Variants in KLHL40 observed in about 807,000 individuals in gnomAD.
The protein encoded by KLHL40 is kelch-like protein 40.
In KLHL40, 44 loss-of-function variants were observed where a neutral mutation model predicts 49.7. The ratio of observed to expected loss-of-function variants is 0.89; its 90% CI spans 0.70 to 1.14. The LOEUF (loss-of-function observed/expected upper bound fraction) is 1.14, where lower values mean the gene tolerates loss of function less well. Ranked by LOEUF, KLHL40 falls within the 50% of genes most tolerant of loss-of-function variation. The probability of loss-of-function intolerance (pLI) is 0.00; values close to 1 mark genes in which losing one functional copy is unlikely to be tolerated. For synonymous variants in KLHL40, 409 were observed against 365.2 expected (o/e 1.12, Z -1.37); for missense variants, 892 against 850.3 (o/e 1.05, Z -0.61).
chr3:42,691,787 G>T, intron 5 of KLHL40, 95 bp from the exon 6 acceptor site: 1 of 787,430 alleles, frequency 1.3e-6, no homozygotes, highest in South Asian at 1.4e-5. Context: ...CTAGAGATGG[G>T]CCAAGTGCCC....
rs1393642313 is a variant in KLHL40 at position 42,688,450 on chromosome 3, G to A, written c.1313+148G>A. ...TGGGTAAGGGCGGGGAGGTTGGGGG[G>A]CAGGGTGGGATCAAAGAACTGAGAG... On this transcript the variant is annotated intron_variant, in intron 2 of 5. Transcript: ENST00000287777. The surrounding 1 kb of genome is among the most constrained non-coding windows in gnomAD (Gnocchi z 4.2). The A allele has an allele frequency of 1.1e-6, 1 of 923,048 alleles. No homozygotes were observed. Among genetic ancestry groups the A allele is most frequent in the South Asian group, 1.5e-5 (1 of 65,298 alleles). 57.2% of individuals were successfully genotyped at this position (923,048 alleles called of 1,614,324 possible).
In KLHL40 at chr3:42,692,469, G is replaced by A. The variant is rs1000760096; in HGVS notation, c.*476G>A. 1.4e-5 allele frequency: 7 copies of A among 499,742 alleles called. No homozygotes were observed. Among genetic ancestry groups the A allele is most frequent in the East Asian group, 3.6e-5 (1 of 27,666 alleles). 31.0% of individuals were successfully genotyped at this position (499,742 alleles called of 1,614,324 possible). A position where few individuals can be genotyped will look rare whatever the true frequency, so the allele number is the denominator to read the frequency against. On this transcript the variant is annotated 3_prime_UTR_variant, in exon 6 of 6. Transcript: ENST00000287777. ...GTGCTCCAAGAGTCAGTGAGCAGGT[G>A]TGTTGAAGACTTGGGGCTTCAGTGT...
Position 42,688,366 on chromosome 3 carries a change from G to A in KLHL40, c.1313+64G>A. 1 of 1,544,836 alleles carries A rather than the reference G, an allele frequency of 6.5e-7. No homozygotes were observed. The highest frequency in any genetic ancestry group is 1.1e-5 in the South Asian group (1 of 89,358). ...GAGTGGGGCATGGAGGCCGCAGCTG[G>A]TCTAGGGCCTGGGGTGGGATTTGGA... On this transcript the variant is annotated intron_variant, in intron 2 of 5. Coordinates refer to ENST00000287777, the MANE Select transcript of KLHL40 (RefSeq NM_152393.4). The surrounding 1 kb of genome is among the most constrained non-coding windows in gnomAD (Gnocchi z 4.2).
Position 42,686,789 on chromosome 3 carries a change from G to C in KLHL40, c.1152+19G>C, listed in dbSNP as rs762613422. ...CCTGCAGGTGCCTGACCAGCCTTGG[G>C]AGCCGCCAGCTAATGCTGGGCTCTA... On this transcript the variant is annotated intron_variant, in intron 1 of 5. Transcript: ENST00000287777. 14 of 1,585,844 alleles carry C rather than the reference G, an allele frequency of 8.8e-6. 1 individual carries two copies. In the South Asian group the frequency reaches 1.6e-4, roughly 18 times the overall value.
rs1169103036 is a variant in KLHL40, at chr3:42,692,018, C to A, written c.*25C>A. Reference sequence around the variant, plus strand: ...ACCAGCTCAGGCAGACTGAACTAAGCACCCCTCCCATCCTGCGACCCTCAC... The same window carrying A: ...ACCAGCTCAGGCAGACTGAACTAAGAACCCCTCCCATCCTGCGACCCTCAC... On this transcript the variant is annotated 3_prime_UTR_variant, in exon 6 of 6. Coordinates refer to ENST00000287777, the MANE Select transcript of KLHL40 (RefSeq NM_152393.4). 1.4e-6 allele frequency: 2 copies of A among 1,386,396 alleles called. No homozygotes were observed. Among genetic ancestry groups the A allele is most frequent in the African/African-American group, 1.4e-5 (1 of 70,268 alleles). The allele number at this position is 1,386,396 out of a possible 1,614,324, so 85.9% of individuals were successfully genotyped here.
At chr3:42,690,117 C>T (rs779906678) in intron 4 of KLHL40, among the ~76,000 whole-genome samples, 1 of 151,992 alleles carries the variant, frequency 6.6e-6, no homozygotes, top group African/African-American at 2.4e-5. Context: ...GGACCCCACC[C>T]GGGAGAGAGA....
chr3:42,689,180 G>A, intron 4 of KLHL40, 126 bp downstream of exon 4: 1 of 831,082 alleles, frequency 1.2e-6, no homozygotes, highest in Non-Finnish European at 1.9e-6. Context: ...ATAGAAATAG[G>A]CTTTCTCTCC....
chr3:42,686,551 C>A lies in KLHL40; in HGVS notation c.933C>A (p.Arg311=). The part of the protein sequence containing the change: ...ILPGILNDTL[R]FGMFLQDLIF... The stretch of plus-strand genomic sequence containing the variant: ...CTGGGATCCTCAATGACACCCTGCG[C>A]TTCGGCATGTTCCTGCAGGATCTCA... The change falls in exon 1 of 6, where the codon CGC becomes CGA. Residue 311 remains arginine (R), a synonymous_variant. Coordinates refer to ENST00000287777, the MANE Select transcript of KLHL40 (RefSeq NM_152393.4). 1 of 1,614,164 alleles carries A rather than the reference C, an allele frequency of 6.2e-7. No individual in the cohort carries two copies. Among genetic ancestry groups the A allele is most frequent in the African/African-American group, 1.3e-5 (1 of 75,038 alleles).
At position 42,685,825 on chromosome 3, in the gene KLHL40, G is replaced by T. The variant is rs776029089; in HGVS notation, c.207G>T (p.Ala69=). 3 of 1,612,994 alleles carry T rather than the reference G, an allele frequency of 1.9e-6. No homozygotes were observed. In the East Asian group the frequency reaches 6.7e-5, roughly 36 times the overall value. ...RARFLAEPER[A]GELHLEEVSP... ...GCTTTCTAGCCGAGCCGGAGCGCGCGGGCGAGCTGCACCTGGAGGAGGTGT... is the reference window on the plus strand; with the variant it reads ...GCTTTCTAGCCGAGCCGGAGCGCGCTGGCGAGCTGCACCTGGAGGAGGTGT... Residue 69 remains alanine (A), a synonymous_variant, in exon 1 of 6, where the codon GCG becomes GCT. Transcript: ENST00000287777.
intron 4 of KLHL40, among the ~76,000 whole-genome samples, chr3:42,689,711 G>T (rs995527374): frequency 6.6e-6 from 1 of 152,150 alleles, no homozygotes; most frequent in Non-Finnish European, 1.5e-5. Context: ...GGAGCTGGGG[G>T]CACAGCGGAG....
Position 42,688,928 on chromosome 3 carries a change from C to T in KLHL40, c.1481C>T (p.Ala494Val). ...DPKKFEWKEL[A>V]PMQTARSLFG... ...AAGAAGTTTGAGTGGAAGGAGCTGG[C>T]ACCCATGCAGACCGCCCGCTCACTC... is the stretch of plus-strand genomic sequence containing the variant. The change falls in exon 4 of 6, where the codon GCA becomes GTA. Residue 494 changes from alanine to valine, a missense_variant. By Grantham distance (64) the Ala-to-Val change is moderately conservative. Coordinates refer to ENST00000287777, the MANE Select transcript of KLHL40 (RefSeq NM_152393.4). This position sits in a 1 kb window ranked among gnomAD's most constrained non-coding sequence, Gnocchi z 4.2. 1.9e-6 allele frequency: 3 copies of T among 1,614,156 alleles called. No homozygotes were observed. The highest frequency in any genetic ancestry group is 1.7e-4 in the Middle Eastern group (1 of 6,060).
chr3:42,689,526 G>T (rs1462068788), intron 4 of KLHL40, among the ~76,000 whole-genome samples: 1 of 152,156 alleles, frequency 6.6e-6, no homozygotes. Context: ...TGCTCCAGCT[G>T]GGTGGAGGTG....
Position 42,688,281 on chromosome 3 carries a change from C to T in KLHL40, c.1292C>T (p.Ser431Leu), listed in dbSNP as rs545767433. 22 of 1,613,810 alleles carry T rather than the reference C, an allele frequency of 1.4e-5. No individual in the cohort carries two copies. The highest frequency in any genetic ancestry group is 1.1e-4 in the East Asian group (5 of 44,856). ...EIKDGERCLD[S>L]VMCYDRLSFK... ...AAGGACGGCGAGCGCTGCCTGGACT[C>T]GGTCATGTGCTACGACAGGCTGTGA... The change falls in exon 2 of 6, where the codon TCG becomes TTG. Residue 431 changes from serine to leucine, a missense_variant. Coordinates refer to ENST00000287777, the MANE Select transcript of KLHL40 (RefSeq NM_152393.4). This position sits in a 1 kb window ranked among gnomAD's most constrained non-coding sequence, Gnocchi z 4.2.
rs1319914433 is a variant in KLHL40, at chr3:42,686,296, C to A, written c.678C>A (p.Cys226Ter). 6.3e-7 allele frequency: 1 copy of A among 1,587,686 alleles called. No homozygotes were observed. The highest frequency in any genetic ancestry group is 8.6e-7 in the Non-Finnish European group (1 of 1,167,140). ...CCACCGTCTTCGAGAGCGTGCGCTG[C>A]CGCTTGCTGCCGCGCGCCTTTCTGG... ...ALPTVFESVR[C>*]RLLPRAFLES... The change falls in exon 1 of 6, where the codon TGC (cysteine) becomes TGA (stop). Residue 226 changes from cysteine to a stop codon, truncating the protein, a stop_gained. Coordinates refer to ENST00000287777, the MANE Select transcript of KLHL40 (RefSeq NM_152393.4). LOFTEE classifies it high-confidence loss of function.
Position 42,688,160 on chromosome 3 carries a change from G to A in KLHL40, c.1171G>A (p.Glu391Lys). The A allele has an allele frequency of 6.2e-7, 1 of 1,614,062 alleles. No individual in the cohort carries two copies. The highest frequency in any genetic ancestry group is 8.5e-7 in the Non-Finnish European group (1 of 1,180,018). ...CCTGCAGTTTGACCATCTGGACTCA[G>A]AGTGGCTGGGGATGCCACCGCTGCC... Reference protein sequence around the residue: ...YFLQFDHLDSEWLGMPPLPSP... With the variant: ...YFLQFDHLDSKWLGMPPLPSP... The change falls in exon 2 of 6, where the codon GAG (glutamate) becomes AAG (lysine). Residue 391 changes from glutamate (E) to lysine (K), a missense_variant. By Grantham distance (56) the Glu-to-Lys change is moderately conservative (BLOSUM62 1). Coordinates refer to ENST00000287777, the MANE Select transcript of KLHL40 (RefSeq NM_152393.4). The surrounding 1 kb of genome is among the most constrained non-coding windows in gnomAD (Gnocchi z 4.2).
intron 4 of KLHL40, 145 bp from the exon 5 acceptor site, chr3:42,690,714 A>T: frequency 2.7e-6 from 2 of 736,656 alleles, no homozygotes; most frequent in Non-Finnish European, 4.4e-6. Context: ...CCAGAGGGAC[A>T]GGGAAGGGGA....
rs1041080496 is a variant in KLHL40, at chr3:42,685,622, G to T, written c.4G>T (p.Ala2Ser). Residue 2 changes from alanine to serine, a missense_variant, in exon 1 of 6, where the codon GCG becomes TCG. Physicochemically the swap from Ala to Ser is moderately conservative, Grantham distance 99 (BLOSUM62 1). Transcript: ENST00000287777. Reference sequence around the variant, plus strand: ...ACCGCACCCTAGGCCACCCACCATGGCGCTGGGCTTGGAGCAGGCGGAGGA... The same window carrying T: ...ACCGCACCCTAGGCCACCCACCATGTCGCTGGGCTTGGAGCAGGCGGAGGA... M[A>S]LGLEQAEEQR... 1 of 1,590,670 alleles carries T rather than the reference G, an allele frequency of 6.3e-7. No individual in the cohort carries two copies. The highest frequency in any genetic ancestry group is 1.3e-5 in the African/African-American group (1 of 74,264).
chr3:42,687,593 A>G (rs762527396), intron 1 of KLHL40, among the ~76,000 whole-genome samples: 1 of 152,122 alleles, frequency 6.6e-6, no homozygotes, highest in Non-Finnish European at 1.5e-5. Context: ...TCCTTCCTGC[A>G]TGATAAGGTT....
In KLHL40 at chr3:42,688,329, C is replaced by T. The variant is rs369379745; in HGVS notation, c.1313+27C>T. On this transcript the variant is annotated intron_variant, in intron 2 of 5. Coordinates refer to ENST00000287777, the MANE Select transcript of KLHL40 (RefSeq NM_152393.4). This position sits in a 1 kb window ranked among gnomAD's most constrained non-coding sequence, Gnocchi z 4.2. ...TGAGCATGGCTGGGGTGGGGCTGAG[C>T]TCCGTGGGGGTGAGTGGGGCATGGA... is the stretch of plus-strand genomic sequence containing the variant. 1 of 1,612,352 alleles carries T rather than the reference C, an allele frequency of 6.2e-7. No individual in the cohort carries two copies. Among genetic ancestry groups the T allele is most frequent in the African/African-American group, 1.3e-5 (1 of 74,792 alleles).
Sources: allele counts gnomAD v4.1 joint callset (sites outside exome capture counted in the v4.1 genomes callset), GRCh38; gene constraint gnomAD v4.1.1; non-coding constraint Gnocchi (gnomAD v3.1); transcripts MANE v1.5; gene names NCBI Gene and HGNC (gene_info 2026-07-23, HGNC 2026-07-21).